The following MC2R variants were observed in gnomAD, a reference collection of about 807,000 sequenced individuals.
The protein encoded by MC2R is adrenocorticotropic hormone receptor.
In MC2R, 9 loss-of-function variants were observed where a neutral mutation model predicts 9.8. That is an observed-to-expected ratio of 0.92 (90% CI 0.55 to 1.60). The LOEUF is 1.60. Among genes scored for constraint, MC2R ranks in the 40% most tolerant of loss-of-function variants. The pLI, the probability that MC2R is intolerant of heterozygous loss-of-function variation, is 0.00. For missense variants in MC2R, 370 were observed against 389.0 expected, an observed-to-expected ratio of 0.95 and a Z score of 0.41; for synonymous variants, 185 against 154.7, an observed-to-expected ratio of 1.20 and a Z score of -1.45.
intron 1 of MC2R, among the ~76,000 whole-genome samples, chr18:13,909,109 A>G (rs1013530522): frequency 6.6e-6 from 1 of 151,682 alleles, no homozygotes; most frequent in African/African-American, 2.4e-5. Context: ...ATGTCTCCTT[A>G]GGCTTCTCTT....
chr18:13,899,182 G>A (rs1199167740), intron 1 of MC2R, among the ~76,000 whole-genome samples: 5 of 152,110 alleles, frequency 3.3e-5, no homozygotes, highest in African/African-American at 4.8e-5. Flanking sequence ...AAAGAATCAC[G>A]CAGAAATTCT....
chr18:13,915,127 AG>A (rs2045468807), intron 1 of MC2R, among the ~76,000 whole-genome samples: 1 of 152,212 alleles, frequency 6.6e-6, no homozygotes, highest in Non-Finnish European at 1.5e-5. Context: ...GATCAGGTGA[AG>A]GGGCTAACTC....
chr18:13,885,496 T>C lies in MC2R; in HGVS notation c.23A>G (p.Tyr8Cys). The C allele has an allele frequency of 1.2e-6, 2 of 1,614,186 alleles. No individual in the cohort carries two copies. Among genetic ancestry groups the C allele is most frequent in the Non-Finnish European group, 1.7e-6 (2 of 1,180,054 alleles). The stretch of plus-strand genomic sequence containing the variant: ...TCTTGCTGTGTTGTTGATGTTTTCA[T>C]ACGAGTTGATAATGTGCTTCATTTC... MKHIINSYENINNTARNN... is the reference protein window; with the variant it reads MKHIINSCENINNTARNN... The change falls in exon 2 of 2, where the codon TAT becomes TGT. Residue 8 changes from tyrosine to cysteine, a missense_variant. Transcript: ENST00000327606.
At chr18:13,887,312 G>A (rs2045282531) in intron 1 of MC2R, among the ~76,000 whole-genome samples, 1 of 122,700 alleles carries the variant, frequency 8.1e-6, no homozygotes, top group Admixed American at 8.1e-5. Context: ...CACCTGCTGG[G>A]AAAGCCTCAG....
intron 1 of MC2R, among the ~76,000 whole-genome samples, chr18:13,887,346 C>T (rs1481624616): frequency 8.6e-6 from 1 of 115,932 alleles, no homozygotes; most frequent in East Asian, 2.4e-4. Flanking sequence ...AGCCTGTGTG[C>T]TGTGTCCCAC....
chr18:13,904,854 A>T (rs1567902070), intron 1 of MC2R, among the ~76,000 whole-genome samples: 1 of 152,192 alleles, frequency 6.6e-6, no homozygotes, highest in Non-Finnish European at 1.5e-5. Flanking sequence ...TATGCAAAAA[A>T]ACTGAAACCG....
intron 1 of MC2R, among the ~76,000 whole-genome samples, chr18:13,889,366 T>C (rs767509240): frequency 2.7e-4 from 41 of 152,146 alleles, no homozygotes; most frequent in Non-Finnish European, 4.6e-4. Flanking sequence ...AAGAGACAAG[T>C]TTTTCATAGC....
rs187728349 is a variant in MC2R, at chr18:13,893,373, T to C, written c.-128-7727A>G. On this transcript the variant is annotated intron_variant, in intron 1 of 1. Coordinates refer to ENST00000327606, the MANE Select transcript of MC2R (RefSeq NM_000529.2). ...TGTGCCTTTTGGTTTTTTAGACTCATCTGAAGTGCAGATCTTCTGCTTTGA... is the reference window on the plus strand; with the variant it reads ...TGTGCCTTTTGGTTTTTTAGACTCACCTGAAGTGCAGATCTTCTGCTTTGA... Among the ~76,000 whole-genome samples, 42 of 152,332 alleles carry C rather than the reference T, an allele frequency of 2.8e-4. No individual in the cohort carries two copies. In the East Asian group the frequency reaches 4.4e-3, roughly 16 times the overall value.
At chr18:13,889,399 A>C (rs1379712470) in intron 1 of MC2R, among the ~76,000 whole-genome samples, 1 of 152,238 alleles carries the variant, frequency 6.6e-6, no homozygotes, top group East Asian at 1.9e-4. Context: ...ACCCAGAAAG[A>C]AACTTGGTTG....
At chr18:13,892,094 C>T (rs1268567637) in intron 1 of MC2R, among the ~76,000 whole-genome samples, 1 of 152,124 alleles carries the variant, frequency 6.6e-6, no homozygotes, top group African/African-American at 2.4e-5. Context: ...GGACCAGAGT[C>T]TGGGGTCAAT....
At chr18:13,887,230 G>A (rs1364574106) in intron 1 of MC2R, among the ~76,000 whole-genome samples, 2 of 129,460 alleles carry the variant, frequency 1.5e-5, no homozygotes, top group African/African-American at 5.5e-5. Context: ...GGGATGGGAG[G>A]GGAAGCCTGT....
rs529747007 is a variant in MC2R at position 13,884,637 on chromosome 18, G to A, written c.882C>T (p.Ser294=). The A allele has an allele frequency of 5.6e-6, 9 of 1,612,766 alleles. No individual in the cohort carries two copies. The highest frequency in any genetic ancestry group is 3.3e-5 in the Admixed American group (2 of 60,026). Residue 294 remains serine, a synonymous_variant, in exon 2 of 2, where the codon AGC becomes AGT. Coordinates refer to ENST00000327606, the MANE Select transcript of MC2R (RefSeq NM_000529.2). ...GGGATCAGCCATTCTACCAGTACCT[G>A]CTGCAGAAGATCATCTTTTTGAATG... The part of the protein sequence containing the change: ...RDAFKKMIFC[S]RYW
At chr18:13,905,536 C>T (rs1013594265) in intron 1 of MC2R, among the ~76,000 whole-genome samples, 16 of 150,564 alleles carry the variant, frequency 1.1e-4, no homozygotes, top group Admixed American at 8.6e-4. Context: ...CAAATCAAAA[C>T]CACAACGAGA....
intron 1 of MC2R, among the ~76,000 whole-genome samples, chr18:13,894,136 T>TTG (rs35649882): frequency 0.013 from 2,004 of 149,006 alleles, 24 homozygotes; most frequent in East Asian, 0.034. Flanking sequence ...GCATGTGTGT[T>TTG]TGTGTGTGTG....
At chr18:13,890,998 G>A (rs967485891) in intron 1 of MC2R, among the ~76,000 whole-genome samples, 1 of 152,196 alleles carries the variant, frequency 6.6e-6, no homozygotes, top group Non-Finnish European at 1.5e-5. Context: ...GTCTCAGACT[G>A]CAGCACAGTT....
chr18:13,890,505 T>C (rs973196196), intron 1 of MC2R, among the ~76,000 whole-genome samples: 1 of 152,016 alleles, frequency 6.6e-6, no homozygotes, highest in Admixed American at 6.5e-5. Flanking sequence ...TGGGTTCTGG[T>C]GGTGGGAGCT....
At chr18:13,894,843 T>C (rs892706227) in intron 1 of MC2R, among the ~76,000 whole-genome samples, 1 of 152,240 alleles carries the variant, frequency 6.6e-6, no homozygotes, top group Non-Finnish European at 1.5e-5. Context: ...ATATATTTGT[T>C]TAAGCCCAAA....
chr18:13,901,925 T>A, intron 1 of MC2R, among the ~76,000 whole-genome samples: 1 of 151,710 alleles, frequency 6.6e-6, no homozygotes, highest in Non-Finnish European at 1.5e-5. Flanking sequence ...CAAAGACACA[T>A]CAAAAAAAGA....
chr18:13,885,394 T>C lies in MC2R; in HGVS notation c.125A>G (p.Asn42Ser). 1 of 1,614,146 alleles carries C rather than the reference T, an allele frequency of 6.2e-7. No individual in the cohort carries two copies. Among genetic ancestry groups the C allele is most frequent in the South Asian group, 1.1e-5 (1 of 91,078 alleles). ...FTISIVGVLE[N>S]LIVLLAVFKN... The stretch of plus-strand genomic sequence containing the variant: ...GAACACAGCCAGCAGGACGATCAGA[T>C]TCTCCAAAACTCCAACAATGGAAAT... Residue 42 changes from asparagine (N) to serine (S), a missense_variant, in exon 2 of 2, where the codon AAT becomes AGT. Physicochemically the swap from Asn to Ser is conservative, Grantham distance 46 (BLOSUM62 1). Transcript: ENST00000327606.
Sources: allele counts gnomAD v4.1 joint callset (sites outside exome capture counted in the v4.1 genomes callset), GRCh38; gene constraint gnomAD v4.1.1; transcripts MANE v1.5; gene names NCBI Gene and HGNC (gene_info 2026-07-23, HGNC 2026-07-21).